Variants in TIFA observed in about 807,000 individuals in gnomAD.
The protein encoded by TIFA is TRAF interacting protein with forkhead associated domain.
For missense variants in TIFA, 186 were observed against 215.2 expected (o/e 0.86, Z 0.85); for synonymous variants, 75 against 79.2 (o/e 0.95, Z 0.28).
At chr4:112,281,024 T>C (rs1161408635) in intron 1 of TIFA, among the ~76,000 whole-genome samples, 1 of 152,204 alleles carries the variant, frequency 6.6e-6, no homozygotes, top group Non-Finnish European at 1.5e-5. Context: ...ATTATGATAA[T>C]AAAGTCTCAT....
chr4:112,282,731 T>C (rs1237638642), intron 1 of TIFA, among the ~76,000 whole-genome samples: 6 of 152,162 alleles, frequency 3.9e-5, no homozygotes, highest in Non-Finnish European at 8.8e-5. Flanking sequence ...ATATAACTTA[T>C]ATTTCTGCCC....
intron 1 of TIFA, among the ~76,000 whole-genome samples, chr4:112,282,139 G>A (rs961717834): frequency 3.3e-5 from 5 of 152,176 alleles, no homozygotes; most frequent in Non-Finnish European, 7.4e-5. Flanking sequence ...TTATAAGGGG[G>A]AGTTTCCATG....
At position 112,277,960 on chromosome 4, in the gene TIFA, T is replaced by A. The variant is rs763557853; in HGVS notation, c.457A>T (p.Asn153Tyr). The change falls in exon 2 of 2, where the codon AAC becomes TAC. Residue 153 changes from asparagine (N) to tyrosine (Y), a missense_variant. By Grantham distance (143) the Asn-to-Tyr change is moderately radical. Transcript: ENST00000361717. ...LSPRSLLQEN[N>Y]WPPHRPIPEY... The stretch of plus-strand genomic sequence containing the variant: ...GGTATGGGCCTGTGTGGTGGCCAGT[T>A]GTTTTCTTGCAAGAGTGATCTTGGA... 3.1e-6 allele frequency: 5 copies of A among 1,614,090 alleles called. No individual in the cohort carries two copies. The highest frequency in any genetic ancestry group is 4.2e-6 in the Non-Finnish European group (5 of 1,179,994).
At chr4:112,285,123 C>A (rs1438716276) in intron 1 of TIFA, among the ~76,000 whole-genome samples, 2 of 151,752 alleles carry the variant, frequency 1.3e-5, no homozygotes, top group East Asian at 3.9e-4. Context: ...GGGGAAAGTC[C>A]CAGAAAACAA....
intron 1 of TIFA, among the ~76,000 whole-genome samples, chr4:112,279,101 T>C (rs1341022274): frequency 6.6e-6 from 1 of 152,244 alleles, no homozygotes; most frequent in Non-Finnish European, 1.5e-5. Flanking sequence ...TCTCCATGAG[T>C]TGGTTCTAAT....
In TIFA at chr4:112,278,105, G is replaced by C; in HGVS notation, c.312C>G (p.Gly104=). The part of the protein sequence containing the change: ...TNLIVDSREL[G]YLNKMDLPYR... ...ATGGCAGGTCCATTTTATTTAGGTA[G>C]CCCAGCTCTCTGCTGTCCACGATCA... The change falls in exon 2 of 2, where the codon GGC becomes GGG. Residue 104 remains glycine, a synonymous_variant. Coordinates refer to ENST00000361717, the MANE Select transcript of TIFA (RefSeq NM_052864.3). The C allele has an allele frequency of 6.2e-7, 1 of 1,613,890 alleles. No individual in the cohort carries two copies. The highest frequency in any genetic ancestry group is 8.5e-7 in the Non-Finnish European group (1 of 1,179,994).
At position 112,278,344 on chromosome 4, in the gene TIFA, G is replaced by T; in HGVS notation, c.73C>A (p.Gln25Lys). 6.2e-7 allele frequency: 1 copy of T among 1,610,594 alleles called. No homozygotes were observed. The highest frequency in any genetic ancestry group is 8.5e-7 in the Non-Finnish European group (1 of 1,178,576). The change falls in exon 2 of 2, where the codon CAG (glutamine) becomes AAG (lysine). Residue 25 changes from glutamine (Q) to lysine (K), a missense_variant. Coordinates refer to ENST00000361717, the MANE Select transcript of TIFA (RefSeq NM_052864.3). ...CLQMTVYHPGQLQCGIFQSIS... is the reference protein window; with the variant it reads ...CLQMTVYHPGKLQCGIFQSIS... Reference sequence around the variant, plus strand: ...GACTGAAATATTCCACACTGCAACTGGCCAGGATGGTAAACCGTCATCTGG... The same window carrying T: ...GACTGAAATATTCCACACTGCAACTTGCCAGGATGGTAAACCGTCATCTGG...
Position 112,277,001 on chromosome 4 carries a change from A to G in TIFA, c.*861T>C, listed in dbSNP as rs1400718554. The G allele has an allele frequency of 6.6e-6, 1 of 152,232 alleles. No individual in the cohort carries two copies. The highest frequency in any genetic ancestry group is 2.1e-4 in the South Asian group (1 of 4,836). 9.4% of individuals were successfully genotyped at this position (152,232 alleles called of 1,614,324 possible). On this transcript the variant is annotated 3_prime_UTR_variant, in exon 2 of 2. Transcript: ENST00000361717. ...TTTTAGAAATATTTAAGCGTTTATC[A>G]TAAACATTCACATACATTTATCTCT...
chr4:112,277,681 ACAGG>A lies in TIFA; in HGVS notation c.*177_*180del. The stretch of plus-strand genomic sequence containing the variant: ...TAATTTTGTGTAGATCCAGAATACA[ACAGG>A]TGACTAAGTTAATGACTAACACAAT... On this transcript the variant is annotated 3_prime_UTR_variant, in exon 2 of 2. Transcript: ENST00000361717. 2.5e-6 allele frequency: 1 copy of A among 396,590 alleles called. No individual in the cohort carries two copies. The highest frequency in any genetic ancestry group is 4.2e-6 in the Non-Finnish European group (1 of 239,332). The allele number at this position is 396,590 out of a possible 1,614,324, so 24.6% of individuals were successfully genotyped here.
At chr4:112,278,478 G>A in intron 1 of TIFA, 44 bp from the exon 2 acceptor site, 1 of 1,480,052 alleles carries the variant, frequency 6.8e-7, no homozygotes, top group Non-Finnish European at 9.0e-7. Context: ...TTATGCTTGA[G>A]GCATTGAGAA....
chr4:112,278,541 T>C (rs1468641432), intron 1 of TIFA, 107 bp from the exon 2 acceptor site: 2 of 876,412 alleles, frequency 2.3e-6, no homozygotes, highest in African/African-American at 3.4e-5. Flanking sequence ...TTATCTGGAC[T>C]TTAAGAAAAC....
At position 112,275,407 on chromosome 4, in the gene TIFA, C is replaced by T. The variant is rs961593248; in HGVS notation, c.*2455G>A. ...CGGTTCTATGAAATATGGTAGCTTT[C>T]CTCTAACAACCCCGCTTTGGGGTTG... On this transcript the variant is annotated 3_prime_UTR_variant, in exon 2 of 2. Transcript: ENST00000361717. The T allele has an allele frequency of 6.6e-6, 1 of 152,182 alleles. No individual in the cohort carries two copies. The highest frequency in any genetic ancestry group is 1.5e-5 in the Non-Finnish European group (1 of 68,026). 9.4% of individuals were successfully genotyped at this position (152,182 alleles called of 1,614,324 possible). A position where few individuals can be genotyped will look rare whatever the true frequency, so the allele number is the denominator to read the frequency against.
chr4:112,279,327 G>T (rs1727180106), intron 1 of TIFA, among the ~76,000 whole-genome samples: 2 of 152,180 alleles, frequency 1.3e-5, no homozygotes, highest in South Asian at 4.1e-4. Context: ...CAGGACAGGA[G>T]AAATAGCTAC....
At position 112,275,128 on chromosome 4, in the gene TIFA, C is replaced by G. The variant is rs921532347; in HGVS notation, c.*2734G>C. The G allele has an allele frequency of 6.6e-6, 1 of 150,712 alleles. No individual in the cohort carries two copies. Among genetic ancestry groups the G allele is most frequent in the Admixed American group, 6.6e-5 (1 of 15,076 alleles). The allele number at this position is 150,712 out of a possible 1,614,324, so 9.3% of individuals were successfully genotyped here. ...CCATTTTTTTGAGAAAATGCTGTATCTATCCACATGATCACTGACCAGAGC... is the reference window on the plus strand; with the variant it reads ...CCATTTTTTTGAGAAAATGCTGTATGTATCCACATGATCACTGACCAGAGC... On this transcript the variant is annotated 3_prime_UTR_variant, in exon 2 of 2. Transcript: ENST00000361717.
intron 1 of TIFA, among the ~76,000 whole-genome samples, chr4:112,282,722 T>C (rs1727248032): frequency 1.3e-5 from 2 of 152,318 alleles, no homozygotes; most frequent in Admixed American, 1.3e-4. Flanking sequence ...TGGCCACTTA[T>C]ATAACTTATA....
chr4:112,277,732 T>A lies in TIFA; in HGVS notation c.*130A>T. The A allele has an allele frequency of 1.0e-6, 1 of 960,030 alleles. No homozygotes were observed. The highest frequency in any genetic ancestry group is 2.6e-5 in the South Asian group (1 of 38,282). The allele number at this position is 960,030 out of a possible 1,614,324, so 59.5% of individuals were successfully genotyped here. On this transcript the variant is annotated 3_prime_UTR_variant, in exon 2 of 2. Transcript: ENST00000361717. ...CAATTTACAGACTTCAAAATGATAA[T>A]ACTGAATTCCAAATTTCACAGCATA... is the stretch of plus-strand genomic sequence containing the variant.
chr4:112,280,152 C>T (rs1727200195), intron 1 of TIFA, among the ~76,000 whole-genome samples: 1 of 152,100 alleles, frequency 6.6e-6, no homozygotes, highest in African/African-American at 2.4e-5. Context: ...GCTGCAGCTA[C>T]CGGACACTGT....
intron 1 of TIFA, among the ~76,000 whole-genome samples, chr4:112,281,293 A>C (rs1321422100): frequency 6.6e-6 from 1 of 152,226 alleles, no homozygotes; most frequent in East Asian, 1.9e-4. Context: ...GGTAACATCC[A>C]AATTTTGTTT....
At position 112,278,354 on chromosome 4, in the gene TIFA, G is replaced by C; in HGVS notation, c.63C>G (p.Tyr21Ter). Residue 21 changes from tyrosine to a stop codon, truncating the protein, a stop_gained, in exon 2 of 2, where the codon TAC becomes TAG. Transcript: ENST00000361717. LOFTEE classifies it low-confidence loss of function (END_TRUNC). ...ETVTCLQMTV[Y>*]HPGQLQCGIF... ...TTCCACACTGCAACTGGCCAGGATGGTAAACCGTCATCTGGAGACAAGTTA... is the reference window on the plus strand; with the variant it reads ...TTCCACACTGCAACTGGCCAGGATGCTAAACCGTCATCTGGAGACAAGTTA... The C allele has an allele frequency of 6.2e-7, 1 of 1,607,992 alleles. No homozygotes were observed. Among genetic ancestry groups the C allele is most frequent in the Non-Finnish European group, 8.5e-7 (1 of 1,177,214 alleles).
Sources: allele counts gnomAD v4.1 joint callset (sites outside exome capture counted in the v4.1 genomes callset), GRCh38; gene constraint gnomAD v4.1.1; transcripts MANE v1.5; gene names NCBI Gene and HGNC (gene_info 2026-07-23, HGNC 2026-07-21).